Variants in PALS2 observed in about 807,000 individuals in gnomAD.
The protein encoded by PALS2 is protein PALS2.
A neutral mutation model predicts 61.6 loss-of-function variants in PALS2; 27 were observed. That is an observed-to-expected ratio of 0.44 (90% CI 0.32 to 0.60). The LOEUF (loss-of-function observed/expected upper bound fraction) is 0.60. Ranked by LOEUF, PALS2 falls within the 20% of genes least tolerant of loss-of-function variation. The probability of loss-of-function intolerance (pLI) is 0.05; values close to 1 mark genes in which losing one functional copy is unlikely to be tolerated. For missense variants in PALS2, 554 were observed against 639.4 expected (o/e 0.87, Z 1.44); for synonymous variants, 236 against 218.6 (o/e 1.08, Z -0.70).
In PALS2 at chr7:24,687,517, T is replaced by G; in HGVS notation, c.1526T>G (p.Ile509Arg). 6.2e-7 allele frequency: 1 copy of G among 1,613,190 alleles called. No individual in the cohort carries two copies. Among genetic ancestry groups the G allele is most frequent in the Non-Finnish European group, 8.5e-7 (1 of 1,179,696 alleles). ...AACCACTATTTTGATTTGATCATCA[T>G]AAATGATAATCTAGACAAAGCCTTT... The part of the protein sequence containing the change: ...AYNHYFDLII[I>R]NDNLDKAFEK... The change falls in exon 12 of 12, where the codon ATA becomes AGA. Residue 509 changes from isoleucine to arginine, a missense_variant. Ile to Arg is a moderately conservative substitution (Grantham distance 97, BLOSUM62 -3). Coordinates refer to ENST00000222644, the MANE Select transcript of PALS2 (RefSeq NM_001303037.2). The surrounding 1 kb of genome is among the most constrained non-coding windows in gnomAD (Gnocchi z 4.5).
At chr7:24,600,180 G>A in intron 1 of PALS2, among the ~76,000 whole-genome samples, 1 of 151,982 alleles carries the variant, frequency 6.6e-6, no homozygotes, top group Non-Finnish European at 1.5e-5. Flanking sequence ...TCATTGTTGG[G>A]GTTCATGTTT....
At chr7:24,668,730 A>G in intron 9 of PALS2, 70 bp downstream of exon 9, 41 of 1,510,336 alleles carry the variant, frequency 2.7e-5, no homozygotes, top group Non-Finnish European at 3.4e-5. Context: ...GGAAAGGGGG[A>G]TTATTATCAT....
In PALS2 at chr7:24,687,833, A is replaced by G. The variant is rs1194488856; in HGVS notation, c.*219A>G. 2 of 378,250 alleles carry G rather than the reference A, an allele frequency of 5.3e-6. No individual in the cohort carries two copies. The highest frequency in any genetic ancestry group is 4.4e-5 in the African/African-American group (2 of 45,706). The allele number at this position is 378,250 out of a possible 1,614,324, so 23.4% of individuals were successfully genotyped here. A position where few individuals can be genotyped will look rare whatever the true frequency, so the allele number is the denominator to read the frequency against. The stretch of plus-strand genomic sequence containing the variant: ...TTTATCTTAATTTTTCTAACTTTGT[A>G]TGGATAATCTTTCTATTCATATCAC... On this transcript the variant is annotated 3_prime_UTR_variant, in exon 12 of 12. Coordinates refer to ENST00000222644, the MANE Select transcript of PALS2 (RefSeq NM_001303037.2). This position sits in a 1 kb window ranked among gnomAD's most constrained non-coding sequence, Gnocchi z 4.5.
At chr7:24,585,378 C>T (rs1473220097) in intron 1 of PALS2, among the ~76,000 whole-genome samples, 1 of 152,144 alleles carries the variant, frequency 6.6e-6, no homozygotes, top group Non-Finnish European at 1.5e-5. Context: ...AGGTCCTTCA[C>T]ATCCCTTGTA....
At chr7:24,605,932 G>T (rs1018972194) in intron 1 of PALS2, among the ~76,000 whole-genome samples, 8 of 152,062 alleles carry the variant, frequency 5.3e-5, no homozygotes, top group Non-Finnish European at 1.0e-4. Flanking sequence ...TTATATAAAA[G>T]ATTTTATTAG....
intron 2 of PALS2, among the ~76,000 whole-genome samples, chr7:24,624,602 C>CTTTTT (rs1784656376): frequency 3.1e-5 from 2 of 63,882 alleles, no homozygotes; most frequent in African/African-American, 1.7e-4. Context: ...GATGCAGATT[C>CTTTTT]TTCTTTTTTT....
chr7:24,591,448 A>G (rs1045834153), intron 1 of PALS2, among the ~76,000 whole-genome samples: 1 of 152,150 alleles, frequency 6.6e-6, no homozygotes, highest in Admixed American at 6.6e-5. Context: ...TACAATGATG[A>G]GAAGCCAGAA....
intron 2 of PALS2, among the ~76,000 whole-genome samples, chr7:24,632,254 A>ATAGC (rs1785030967): frequency 6.6e-6 from 1 of 152,214 alleles, no homozygotes; most frequent in Admixed American, 6.5e-5. Context: ...TGAAATTAAT[A>ATAGC]TAGCTACTCC....
At chr7:24,677,383 C>T (rs972017653) in intron 9 of PALS2, among the ~76,000 whole-genome samples, 1 of 151,940 alleles carries the variant, frequency 6.6e-6, no homozygotes, top group Non-Finnish European at 1.5e-5. Flanking sequence ...TGCCTAATTG[C>T]CCTGGCCAGA....
chr7:24,607,515 G>C (rs550933927), intron 1 of PALS2, among the ~76,000 whole-genome samples: 8 of 151,214 alleles, frequency 5.3e-5, no homozygotes, highest in Non-Finnish European at 1.0e-4. Context: ...GTATATATAT[G>C]TGTATATATG....
At chr7:24,586,994 A>G (rs1355297193) in intron 1 of PALS2, among the ~76,000 whole-genome samples, 1 of 123,308 alleles carries the variant, frequency 8.1e-6, no homozygotes, top group Non-Finnish European at 1.8e-5. Flanking sequence ...AAATTCTAGT[A>G]TTTTCCCCAA....
At chr7:24,624,823 G>T (rs1784672002) in intron 2 of PALS2, among the ~76,000 whole-genome samples, 1 of 151,844 alleles carries the variant, frequency 6.6e-6, no homozygotes, top group African/African-American at 2.4e-5. Flanking sequence ...GCGCAGGCTG[G>T]TCTCGAACTC....
chr7:24,668,554 C>T lies in PALS2; in HGVS notation c.1008C>T (p.Phe336=). The T allele has an allele frequency of 6.2e-7, 1 of 1,613,674 alleles. No individual in the cohort carries two copies. Among genetic ancestry groups the T allele is most frequent in the Non-Finnish European group, 8.5e-7 (1 of 1,179,764 alleles). Residue 336 remains phenylalanine (F), a synonymous_variant, in exon 9 of 12, where the codon TTC becomes TTT. Transcript: ENST00000222644. ...AGGAGGTAGCCAAAATGCCTCCCTT[C>T]CAGAGAAAAACATTAGTATTGATAG... ...IYEEVAKMPP[F]QRKTLVLIGA...
In PALS2 at chr7:24,591,982, C is replaced by CA. The variant is rs550655995; in HGVS notation, c.-3+18399dup. 2.6e-3 allele frequency among the ~76,000 whole-genome samples: 372 copies of CA among 143,162 alleles called. 2 individuals are homozygous for CA. The highest frequency in any genetic ancestry group is 7.3e-3 in the African/African-American group (284 of 39,142). 93.9% of individuals were successfully genotyped at this position (143,162 alleles called of 152,430 possible). ...TGAAATCACAAACAACAGAAAAATG[C>CA]AAAAAAAAAAGTGGCACAAAATAAA... On this transcript the variant is annotated intron_variant, in intron 1 of 11. Transcript: ENST00000222644.
chr7:24,589,748 GT>G, intron 1 of PALS2, among the ~76,000 whole-genome samples: 1 of 152,266 alleles, frequency 6.6e-6, no homozygotes, highest in South Asian at 2.1e-4. Context: ...GACATGCAAA[GT>G]TAAAATCAGC....
intron 6 of PALS2, among the ~76,000 whole-genome samples, chr7:24,664,838 C>T (rs1786932009): frequency 6.6e-6 from 1 of 151,844 alleles, no homozygotes; most frequent in South Asian, 2.1e-4. Flanking sequence ...CCTATGAATA[C>T]GATCTCTTAG....
At chr7:24,588,561 T>C (rs1583836311) in intron 1 of PALS2, among the ~76,000 whole-genome samples, 1 of 152,206 alleles carries the variant, frequency 6.6e-6, no homozygotes, top group East Asian at 1.9e-4. Flanking sequence ...TTTCATATAC[T>C]GTTTGAACCT....
intron 7 of PALS2, 31 bp from the exon 8 acceptor site, chr7:24,665,990 C>A: frequency 6.4e-7 from 1 of 1,571,538 alleles, no homozygotes; most frequent in Non-Finnish European, 8.7e-7. Context: ...TGATATACTG[C>A]TTAAGTTATA....
intron 1 of PALS2, among the ~76,000 whole-genome samples, chr7:24,595,511 TA>T (rs1783476346): frequency 3.0e-5 from 3 of 100,470 alleles, no homozygotes; most frequent in African/African-American, 1.1e-4. Flanking sequence ...ATATATATAA[TA>T]TATAATATAT....
Sources: allele counts gnomAD v4.1 joint callset (sites outside exome capture counted in the v4.1 genomes callset), GRCh38; gene constraint gnomAD v4.1.1; non-coding constraint Gnocchi (gnomAD v3.1); transcripts MANE v1.5; gene names NCBI Gene and HGNC (gene_info 2026-07-23, HGNC 2026-07-21).